TRIP10: variants seen among roughly 807,000 people sequenced by gnomAD.
The protein encoded by TRIP10 is thyroid hormone receptor interactor 10, also known as cdc42-interacting protein 4.
In TRIP10, 54 loss-of-function variants were observed where a neutral mutation model predicts 80.9. The observed-to-expected ratio is 0.67, with a 90% CI of 0.54 to 0.84. The LOEUF (loss-of-function observed/expected upper bound fraction) is 0.84. TRIP10 is among the 40% of genes least tolerant of loss of function. The probability of loss-of-function intolerance (pLI) is 0.00; values close to 1 mark genes in which losing one functional copy is unlikely to be tolerated. For missense variants in TRIP10, 773 were observed against 815.3 expected (o/e 0.95, Z 0.63); for synonymous variants, 321 against 307.2 (o/e 1.04, Z -0.47).
intron 3 of TRIP10, among the ~76,000 whole-genome samples, chr19:6,742,262 C>T (rs1277442943): frequency 2.6e-5 from 4 of 151,408 alleles, no homozygotes; most frequent in South Asian, 2.1e-4. Context: ...TTGTGGTGCG[C>T]GCCTGTAATC....
Position 6,743,618 on chromosome 19 carries a change from G to T in TRIP10, c.513+20G>T, listed in dbSNP as rs770485501. The T allele has an allele frequency of 6.4e-6, 9 of 1,409,528 alleles. No homozygotes were observed. Among genetic ancestry groups the T allele is most frequent in the South Asian group, 5.8e-5 (5 of 86,900 alleles). 87.3% of individuals were successfully genotyped at this position (1,409,528 alleles called of 1,614,324 possible). On this transcript the variant is annotated intron_variant, in intron 6 of 14. Transcript: ENST00000313244. ...GAGAAGGTGTGTGTGGCGGGGGCGG[G>T]GGGGGGGTGCGGGGTCTGGGACAAG...
Position 6,741,120 on chromosome 19 carries a change from A to G in TRIP10, c.135A>G (p.Gln45=), listed in dbSNP as rs201289777. The change falls in exon 2 of 15, where the codon CAA becomes CAG. Residue 45 remains glutamine, a synonymous_variant. Transcript: ENST00000313244. ...RTEVEQAYAK[Q]LRSLVKKYLP... ...AAGTGGAACAGGCTTACGCCAAACAACTGCGGTGAGACCCTGGGGTGGACG... is the reference window on the plus strand; with the variant it reads ...AAGTGGAACAGGCTTACGCCAAACAGCTGCGGTGAGACCCTGGGGTGGACG... 64 of 1,614,116 alleles carry G rather than the reference A, an allele frequency of 4.0e-5. No homozygotes were observed. The highest frequency in any genetic ancestry group is 5.3e-5 in the Non-Finnish European group (63 of 1,179,990).
rs752334439 is a variant in TRIP10 at position 6,750,414 on chromosome 19, A to G, written c.1518A>G (p.Ser506=). The change falls in exon 13 of 15, where the codon TCA becomes TCG. Residue 506 remains serine (S), a synonymous_variant. Transcript: ENST00000313244. ...APPDSSSNSA[S]QDTKESSEEP... ...CAGACAGCAGCAGCAACAGCGCATC[A>G]CAGGACACCAAGGAGAGGTGAGGGG... The G allele has an allele frequency of 9.3e-6, 15 of 1,613,982 alleles. No homozygotes were observed. The Admixed American group carries it at 2.5e-4, about 27-fold the overall frequency.
chr19:6,750,143 G>GGGGGGGGGGGGGGGGC, intron 12 of TRIP10, 77 bp downstream of exon 12: 35 of 841,890 alleles, frequency 4.2e-5, no homozygotes, highest in Non-Finnish European at 5.8e-5. Context: ...GGGGGTCGGG[G>GGGGGGGGGGGGGGGGC]ACAGGGGAGG....
Position 6,745,166 on chromosome 19 carries a change from C to T in TRIP10, c.984+172C>T, listed in dbSNP as rs906935410. ...GAAGGCGGCCGATTGGCCTGGGAGT[C>T]CCCCGAGGCGAAGGCGGGGGCAGGG... On this transcript the variant is annotated intron_variant, in intron 9 of 14. Coordinates refer to ENST00000313244, the MANE Select transcript of TRIP10 (RefSeq NM_001288962.2). This position sits in a 1 kb window ranked among gnomAD's most constrained non-coding sequence, Gnocchi z 7.2. 74 of 920,546 alleles carry T rather than the reference C, an allele frequency of 8.0e-5. 1 individual carries two copies. The highest frequency in any genetic ancestry group is 1.0e-4 in the Non-Finnish European group (65 of 638,658). The allele number at this position is 920,546 out of a possible 1,614,324, so 57.0% of individuals were successfully genotyped here.
intron 11 of TRIP10, 128 bp from the exon 12 acceptor site, chr19:6,749,806 G>A (rs553962427): frequency 5.2e-6 from 7 of 1,344,858 alleles, no homozygotes; most frequent in Non-Finnish European, 6.1e-6. Context: ...AGCCATGATT[G>A]CACCACTGCA....
chr19:6,749,077 G>GC (rs983571146), intron 11 of TRIP10, among the ~76,000 whole-genome samples: 4 of 151,650 alleles, frequency 2.6e-5, no homozygotes, highest in Admixed American at 6.6e-5. Flanking sequence ...TTTTTCCCCT[G>GC]CCCCCCCTTC....
intron 1 of TRIP10, 98 bp from the exon 2 acceptor site, chr19:6,740,912 G>A: frequency 2.7e-6 from 3 of 1,105,274 alleles, no homozygotes; most frequent in Non-Finnish European, 4.0e-6. Context: ...GGAGCGCAGA[G>A]CCTTGGCCCT....
rs1361114819 is a variant in TRIP10 at position 6,746,735 on chromosome 19, C to T, written c.1262+174C>T. Among the ~76,000 whole-genome samples, 1 of 152,088 alleles carries T rather than the reference C, an allele frequency of 6.6e-6. No individual in the cohort carries two copies. The highest frequency in any genetic ancestry group is 2.4e-5 in the African/African-American group (1 of 41,386). On this transcript the variant is annotated intron_variant, in intron 11 of 14. Coordinates refer to ENST00000313244, the MANE Select transcript of TRIP10 (RefSeq NM_001288962.2). The surrounding 1 kb of genome is among the most constrained non-coding windows in gnomAD (Gnocchi z 6.2). ...TGCTGTGATCTTAGCTCACTGCAATCGCCACATCCCAGGTTCAAGCAATTC... is the reference window on the plus strand; with the variant it reads ...TGCTGTGATCTTAGCTCACTGCAATTGCCACATCCCAGGTTCAAGCAATTC...
At chr19:6,740,101 G>A (rs912409388) in intron 1 of TRIP10, among the ~76,000 whole-genome samples, 15 of 152,132 alleles carry the variant, frequency 9.9e-5, no homozygotes, top group Non-Finnish European at 2.1e-4. Context: ...CCGGGCAGGC[G>A]GCTTATCTTA....
rs747920599 is a variant in TRIP10 at position 6,743,614 on chromosome 19, G to A, written c.513+16G>A. 35 of 1,268,138 alleles carry A rather than the reference G, an allele frequency of 2.8e-5. No individual in the cohort carries two copies. Among genetic ancestry groups the A allele is most frequent in the Middle Eastern group, 1.9e-4 (1 of 5,312 alleles). The allele number at this position is 1,268,138 out of a possible 1,614,324, so 78.6% of individuals were successfully genotyped here. On this transcript the variant is annotated intron_variant, in intron 6 of 14. Transcript: ENST00000313244. ...TGTGGAGAAGGTGTGTGTGGCGGGG[G>A]CGGGGGGGGGGTGCGGGGTCTGGGA...
chr19:6,751,368 AC>A lies in TRIP10; in HGVS notation c.*159del. 7.1e-7 allele frequency: 1 copy of A among 1,413,982 alleles called. No individual in the cohort carries two copies. Among genetic ancestry groups the A allele is most frequent in the African/African-American group, 1.5e-5 (1 of 68,524 alleles). The allele number at this position is 1,413,982 out of a possible 1,614,324, so 87.6% of individuals were successfully genotyped here. ...CCCCCAACCCAGTCCTACCTGTCAC[AC>A]CGGACGGACCCGCTGTGCCTTCTAC... On this transcript the variant is annotated 3_prime_UTR_variant, in exon 15 of 15. Coordinates refer to ENST00000313244, the MANE Select transcript of TRIP10 (RefSeq NM_001288962.2).
At position 6,745,126 on chromosome 19, in the gene TRIP10, C is replaced by CGGACTGGAGGG. The variant is rs1599562902; in HGVS notation, c.984+133_984+143dup. ...GGAATTTTCCTCTTGGCTGCCAGCC[C>CGGACTGGAGGG]GGACTGGAGGGAAGGAAGGCGGCCG... On this transcript the variant is annotated intron_variant, in intron 9 of 14. Transcript: ENST00000313244. The surrounding 1 kb of genome is among the most constrained non-coding windows in gnomAD (Gnocchi z 7.2). 7 of 1,277,252 alleles carry CGGACTGGAGGG rather than the reference C, an allele frequency of 5.5e-6. No individual in the cohort carries two copies. The East Asian group carries it at 1.8e-4, about 34-fold the overall frequency. The allele number at this position is 1,277,252 out of a possible 1,614,324, so 79.1% of individuals were successfully genotyped here. A position where few individuals can be genotyped will look rare whatever the true frequency, so the allele number is the denominator to read the frequency against.
intron 1 of TRIP10, chr19:6,740,693 G>A (rs1968888950): frequency 3.4e-6 from 1 of 297,540 alleles, no homozygotes. Flanking sequence ...AATCCGGGGG[G>A]ATTAGGGGAG....
chr19:6,739,914 A>C, intron 1 of TRIP10, 129 bp downstream of exon 1: 1 of 1,122,820 alleles, frequency 8.9e-7, no homozygotes, highest in Non-Finnish European at 1.1e-6. Context: ...CCCGCCCTCC[A>C]CCCTCCGCTC....
At chr19:6,741,201 C>T in intron 2 of TRIP10, 24 bp from the exon 3 acceptor site, 2 of 1,612,936 alleles carry the variant, frequency 1.2e-6, no homozygotes, top group Non-Finnish European at 1.7e-6. Context: ...CGGGCTCAGC[C>T]CTCCTACCTC....
rs1969122646 is a variant in TRIP10 at position 6,746,153 on chromosome 19, A to C, written c.1109A>C (p.Lys370Thr). The change falls in exon 10 of 15, where the codon AAA (lysine) becomes ACA (threonine). Residue 370 changes from lysine to threonine, a missense_variant. Physicochemically the swap from Lys to Thr is moderately conservative, Grantham distance 78. Coordinates refer to ENST00000313244, the MANE Select transcript of TRIP10 (RefSeq NM_001288962.2). The surrounding 1 kb of genome is among the most constrained non-coding windows in gnomAD (Gnocchi z 6.2). ...AILSEISKSV[K>T]PRLASFRSLR... is the part of the protein sequence containing the mutation. The stretch of plus-strand genomic sequence containing the variant: ...CTGAGCGAGATCAGTAAGTCGGTCA[A>C]ACCGAGGCTAGCATCCTTCCGCAGC... 2 of 1,546,866 alleles carry C rather than the reference A, an allele frequency of 1.3e-6. No homozygotes were observed. Among genetic ancestry groups the C allele is most frequent in the South Asian group, 2.4e-5 (2 of 83,764 alleles).
At position 6,744,624 on chromosome 19, in the gene TRIP10, A is replaced by G. The variant is rs775603019; in HGVS notation, c.713A>G (p.Glu238Gly). Reference sequence around the variant, plus strand: ...GGGTATGGGCTCCTGTCGGAGGCCGAGCTGGAGGTGGTGCCCATAATAGCC... The same window carrying G: ...GGGTATGGGCTCCTGTCGGAGGCCGGGCTGGAGGTGGTGCCCATAATAGCC... ...GAGYGLLSEAELEVVPIIAKC... is the reference protein window; with the variant it reads ...GAGYGLLSEAGLEVVPIIAKC... The change falls in exon 8 of 15, where the codon GAG becomes GGG. Residue 238 changes from glutamate (E) to glycine (G), a missense_variant. By Grantham distance (98) the Glu-to-Gly change is moderately conservative (BLOSUM62 -2). Transcript: ENST00000313244. The surrounding 1 kb of genome is among the most constrained non-coding windows in gnomAD (Gnocchi z 4.9). 2.5e-6 allele frequency: 4 copies of G among 1,613,758 alleles called. No individual in the cohort carries two copies. Among genetic ancestry groups the G allele is most frequent in the Non-Finnish European group, 3.4e-6 (4 of 1,179,870 alleles).
In TRIP10 at chr19:6,751,279, C is replaced by T; in HGVS notation, c.*68C>T. ...TCTGGGCCACGGGGAGCCCCAGGAC[C>T]TATGCACTTTATTTCTGACCCCGTG... On this transcript the variant is annotated 3_prime_UTR_variant, in exon 15 of 15. Transcript: ENST00000313244. The T allele has an allele frequency of 6.2e-7, 1 of 1,610,270 alleles. No individual in the cohort carries two copies. Among genetic ancestry groups the T allele is most frequent in the Non-Finnish European group, 8.5e-7 (1 of 1,178,232 alleles).
Sources: gnomAD v4.1 joint callset for allele counts (sites outside exome capture counted in the v4.1 genomes callset) on GRCh38, gnomAD v4.1.1 for gene constraint, Gnocchi (gnomAD v3.1) non-coding constraint, MANE v1.5 for transcripts, NCBI Gene and HGNC (gene_info 2026-07-23, HGNC 2026-07-21) for gene names.